AGBL4: variants seen among roughly 807,000 people sequenced by gnomAD.
The protein encoded by AGBL4 is AGBL carboxypeptidase 4.
In AGBL4, 58 loss-of-function variants were observed where a neutral mutation model predicts 66.4. The observed-to-expected ratio is 0.87, with a 90% CI of 0.71 to 1.09. The LOEUF (loss-of-function observed/expected upper bound fraction) is 1.09, where lower values mean the gene tolerates loss of function less well. AGBL4 is among the 50% of genes least tolerant of loss of function. AGBL4 has a pLI of 0.00. For synonymous variants in AGBL4, 234 were observed against 222.9 expected, an observed-to-expected ratio of 1.05 and a Z score of -0.44; for missense variants, 579 against 631.0, an observed-to-expected ratio of 0.92 and a Z score of 0.88.
chr1:49,629,581 GC>G (rs1238691787), intron 3 of AGBL4, among the ~76,000 whole-genome samples: 1 of 152,084 alleles, frequency 6.6e-6, no homozygotes, highest in African/African-American at 2.4e-5. Context: ...TTTATTATTG[GC>G]CCCCAGAAAC....
intron 5 of AGBL4, among the ~76,000 whole-genome samples, chr1:49,030,628 C>A (rs938125439): frequency 6.6e-6 from 1 of 151,866 alleles, no homozygotes; most frequent in Non-Finnish European, 1.5e-5. Flanking sequence ...GTTGTGTGCT[C>A]CTTATGAGGA....
At chr1:48,634,265 C>A in intron 9 of AGBL4, 1 of 368,786 alleles carries the variant, frequency 2.7e-6, no homozygotes. Context: ...TTCCTTTAAC[C>A]CTCCAGACCT....
intron 6 of AGBL4, among the ~76,000 whole-genome samples, chr1:48,841,921 A>G (rs1221065947): frequency 6.6e-6 from 1 of 152,218 alleles, no homozygotes; most frequent in Non-Finnish European, 1.5e-5. Flanking sequence ...GCTTTTGGGC[A>G]CATGCAAATG....
intron 8 of AGBL4, among the ~76,000 whole-genome samples, chr1:48,648,434 T>A (rs144178911): frequency 6.6e-6 from 1 of 152,204 alleles, no homozygotes; most frequent in African/African-American, 2.4e-5. Flanking sequence ...TGATGGAAGG[T>A]GCCTTTCATC....
intron 4 of AGBL4, among the ~76,000 whole-genome samples, chr1:49,233,769 T>C (rs1489068442): frequency 6.6e-6 from 1 of 152,202 alleles, no homozygotes; most frequent in Non-Finnish European, 1.5e-5. Context: ...ATTTAATAAA[T>C]ATTTGAGTAA....
At chr1:49,122,570 C>G (rs1198066771) in intron 4 of AGBL4, among the ~76,000 whole-genome samples, 4 of 152,132 alleles carry the variant, frequency 2.6e-5, no homozygotes, top group Non-Finnish European at 5.9e-5. Flanking sequence ...ATCAATTTAT[C>G]AAATACTGCA....
At chr1:49,348,243 CCT>C (rs1484875128) in intron 3 of AGBL4, among the ~76,000 whole-genome samples, 10 of 152,052 alleles carry the variant, frequency 6.6e-5, no homozygotes, top group Admixed American at 2.0e-4. Flanking sequence ...ACGGTGAACC[CCT>C]GTCTCTACTA....
chr1:49,037,364 C>T (rs371027742), intron 5 of AGBL4, among the ~76,000 whole-genome samples: 8 of 152,056 alleles, frequency 5.3e-5, no homozygotes, highest in African/African-American at 1.7e-4. Flanking sequence ...AGGTAAGCTG[C>T]CACCAGCAGG....
chr1:48,700,507 A>C (rs1646784752), intron 6 of AGBL4, among the ~76,000 whole-genome samples: 1 of 152,208 alleles, frequency 6.6e-6, no homozygotes, highest in Non-Finnish European at 1.5e-5. Context: ...CATTCAGAGG[A>C]GGGAAATGTA....
At chr1:49,870,387 A>C (rs1437662281) in intron 1 of AGBL4, among the ~76,000 whole-genome samples, 1 of 152,018 alleles carries the variant, frequency 6.6e-6, no homozygotes, top group East Asian at 1.9e-4. Context: ...ATCAACAACA[A>C]AATAATAATA....
intron 1 of AGBL4, among the ~76,000 whole-genome samples, chr1:50,003,108 T>C (rs569836340): frequency 2.1e-3 from 319 of 152,270 alleles, no homozygotes; most frequent in African/African-American, 7.2e-3. Flanking sequence ...CTTATAATCT[T>C]ATGAGGAAAA....
At chr1:49,162,772 G>T (rs759534150) in intron 4 of AGBL4, among the ~76,000 whole-genome samples, 4 of 152,118 alleles carry the variant, frequency 2.6e-5, no homozygotes, top group Non-Finnish European at 5.9e-5. Flanking sequence ...TTTCTCCTCT[G>T]TAATGTGGAA....
intron 4 of AGBL4, among the ~76,000 whole-genome samples, chr1:49,115,560 C>T (rs1423546003): frequency 6.6e-6 from 1 of 151,600 alleles, no homozygotes; most frequent in Non-Finnish European, 1.5e-5. Context: ...TAAATATATA[C>T]GTGTACATAT....
At chr1:49,946,367 A>C (rs1655208087) in intron 1 of AGBL4, among the ~76,000 whole-genome samples, 1 of 152,068 alleles carries the variant, frequency 6.6e-6, no homozygotes, top group South Asian at 2.1e-4. Context: ...AATCTCTCAG[A>C]CCATAGTGGA....
chr1:49,053,261 T>C (rs1557600161), intron 4 of AGBL4, among the ~76,000 whole-genome samples: 1 of 152,202 alleles, frequency 6.6e-6, no homozygotes, highest in Non-Finnish European at 1.5e-5. Flanking sequence ...ATATGCTTAT[T>C]AACTAAAAAC....
chr1:49,731,842 T>C (rs1649477706), intron 2 of AGBL4, among the ~76,000 whole-genome samples: 1 of 152,132 alleles, frequency 6.6e-6, no homozygotes, highest in Admixed American at 6.5e-5. Flanking sequence ...AACGTGAATA[T>C]ACATGATAAA....
intron 5 of AGBL4, among the ~76,000 whole-genome samples, chr1:49,042,997 G>A (rs1643983686): frequency 6.6e-6 from 1 of 152,112 alleles, no homozygotes; most frequent in Admixed American, 6.6e-5. Flanking sequence ...GTGGGCACAG[G>A]AGTGAAATGT....
chr1:48,974,975 C>T (rs1029077279), intron 5 of AGBL4, among the ~76,000 whole-genome samples: 2 of 152,064 alleles, frequency 1.3e-5, no homozygotes, highest in African/African-American at 4.8e-5. Context: ...ATTATCTTGA[C>T]TCCCACAGAT....
At chr1:48,745,987 C>T (rs991292649) in intron 6 of AGBL4, among the ~76,000 whole-genome samples, 1 of 152,096 alleles carries the variant, frequency 6.6e-6, no homozygotes, top group Non-Finnish European at 1.5e-5. Context: ...TTGAGGACAG[C>T]CAAGGACCGT....
Sources: gnomAD v4.1 joint callset for allele counts (sites outside exome capture counted in the v4.1 genomes callset) on GRCh38, gnomAD v4.1.1 for gene constraint, MANE v1.5 for transcripts, NCBI Gene and HGNC (gene_info 2026-07-23, HGNC 2026-07-21) for gene names.